Variants in ERC2 observed in about 807,000 individuals in gnomAD.
ERC2 encodes ELKS/RAB6-interacting/CAST family member 2.
ERC2 carries 42 observed loss-of-function variants against 114.8 expected under a neutral mutation model. That is an observed-to-expected ratio of 0.37 (90% CI 0.29 to 0.47). The LOEUF (loss-of-function observed/expected upper bound fraction) is 0.47, where lower values mean the gene tolerates loss of function less well. ERC2 is among the 20% of genes least tolerant of loss of function. The probability of loss-of-function intolerance (pLI) is 0.99; values close to 1 mark genes in which losing one functional copy is unlikely to be tolerated. For missense variants in ERC2, 939 were observed against 1,150.7 expected, an observed-to-expected ratio of 0.82 and a Z score of 2.66; for synonymous variants, 454 against 425.5, an observed-to-expected ratio of 1.07 and a Z score of -0.82.
At chr3:55,827,425 AG>A (rs1157347226) in intron 14 of ERC2, among the ~76,000 whole-genome samples, 1 of 151,746 alleles carries the variant, frequency 6.6e-6, no homozygotes, top group Non-Finnish European at 1.5e-5. Context: ...AGGGAAGAAA[AG>A]AGAGGGAGGG....
chr3:56,246,267 C>T (rs994579823), intron 3 of ERC2, among the ~76,000 whole-genome samples: 16 of 152,012 alleles, frequency 1.1e-4, no homozygotes, highest in African/African-American at 3.6e-4. Flanking sequence ...ACCAGATAAC[C>T]GTGTTGTCGA....
intron 6 of ERC2, among the ~76,000 whole-genome samples, chr3:56,083,060 T>C (rs1313799881): frequency 6.6e-6 from 1 of 152,170 alleles, no homozygotes; most frequent in Non-Finnish European, 1.5e-5. Flanking sequence ...GGACTGCTGA[T>C]ATAGAAAGTG....
At chr3:55,974,231 G>A (rs1054070299) in intron 12 of ERC2, among the ~76,000 whole-genome samples, 8 of 152,166 alleles carry the variant, frequency 5.3e-5, no homozygotes, top group African/African-American at 1.9e-4. Flanking sequence ...CTGACATAAC[G>A]ATGAGGAAGG....
chr3:55,812,564 A>G (rs944253215), intron 14 of ERC2, among the ~76,000 whole-genome samples: 8 of 152,208 alleles, frequency 5.3e-5, no homozygotes, highest in African/African-American at 1.9e-4. Context: ...TCCACAGGGC[A>G]CCCAACTACA....
intron 3 of ERC2, among the ~76,000 whole-genome samples, chr3:56,252,757 CAAAAAAAAAAA>C (rs71099628): frequency 5.4e-5 from 4 of 74,194 alleles, no homozygotes; most frequent in East Asian, 8.5e-4. Context: ...AACTCTGTCT[CAAAAAAAAAAA>C]AAAAAAAAGA....
chr3:55,979,673 C>T (rs964440191), intron 12 of ERC2, among the ~76,000 whole-genome samples: 2 of 151,720 alleles, frequency 1.3e-5, no homozygotes, highest in Non-Finnish European at 2.9e-5. Flanking sequence ...CGTCAATCTG[C>T]AAGCTGGAGT....
At chr3:56,232,671 G>A (rs115737792) in intron 3 of ERC2, among the ~76,000 whole-genome samples, 184 of 152,308 alleles carry the variant, frequency 1.2e-3, no homozygotes, top group African/African-American at 4.2e-3. Context: ...GGGCCATGAT[G>A]TTGCTCTGCT....
chr3:56,422,386 G>A (rs1017904119), intron 2 of ERC2, among the ~76,000 whole-genome samples: 7 of 152,128 alleles, frequency 4.6e-5, no homozygotes, highest in African/African-American at 1.7e-4. Flanking sequence ...GCCACCTGTG[G>A]TTTTAATTTT....
intron 2 of ERC2, among the ~76,000 whole-genome samples, chr3:56,355,078 G>T (rs1408368418): frequency 6.6e-6 from 1 of 152,162 alleles, no homozygotes; most frequent in Non-Finnish European, 1.5e-5. Flanking sequence ...GCAAGGGCAT[G>T]CAAATGAACT....
At chr3:56,254,572 C>T (rs567857097) in intron 3 of ERC2, among the ~76,000 whole-genome samples, 1 of 152,328 alleles carries the variant, frequency 6.6e-6, no homozygotes, top group Admixed American at 6.5e-5. Flanking sequence ...CACTGTTGCA[C>T]ATTTGCACAA....
In ERC2 at chr3:56,007,199, C is replaced by G; in HGVS notation, c.2043G>C (p.Leu681Phe). ...CACTTACCTTTTTTAACTGTGCTTC[C>G]AATTTGCTACATTCCTCTTTCTTTT... ...IEQKKEECSK[L>F]EAQLKKAHNI... is the part of the protein sequence containing the mutation. Residue 681 changes from leucine to phenylalanine, a missense_variant, in exon 10 of 18, where the codon TTG (leucine) becomes TTC (phenylalanine). Around this residue, in one of 5 missense-constraint regions of ERC2, gnomAD observed 328 missense variants for 353.9 expected, o/e 0.93. Transcript: ENST00000288221. 5.7e-6 allele frequency: 9 copies of G among 1,568,950 alleles called. No homozygotes were observed. Among genetic ancestry groups the G allele is most frequent in the Non-Finnish European group, 7.8e-6 (9 of 1,156,092 alleles).
intron 13 of ERC2, among the ~76,000 whole-genome samples, chr3:55,915,349 T>G (rs534489853): frequency 6.6e-6 from 1 of 151,352 alleles, no homozygotes; most frequent in East Asian, 1.9e-4. Context: ...TTTAGCTAAT[T>G]AAAAAAAAAG....
chr3:55,563,404 C>T (rs1379417381), intron 17 of ERC2, among the ~76,000 whole-genome samples: 1 of 151,366 alleles, frequency 6.6e-6, no homozygotes, highest in Non-Finnish European at 1.5e-5. Flanking sequence ...TACCTGGACA[C>T]TCTTCACTTT....
chr3:55,947,391 G>C (rs1356505237), intron 13 of ERC2, among the ~76,000 whole-genome samples: 1 of 152,160 alleles, frequency 6.6e-6, no homozygotes, highest in Non-Finnish European at 1.5e-5. Context: ...ATTGGCCTCA[G>C]TTCTCCACCT....
chr3:56,389,614 C>A (rs776861904), intron 2 of ERC2, among the ~76,000 whole-genome samples: 1 of 152,192 alleles, frequency 6.6e-6, no homozygotes, highest in Non-Finnish European at 1.5e-5. Context: ...TAGGTCAAGC[C>A]TGTGATCTCA....
At chr3:55,833,278 G>A (rs1575764843) in intron 14 of ERC2, among the ~76,000 whole-genome samples, 1 of 150,330 alleles carries the variant, frequency 6.7e-6, no homozygotes, top group African/African-American at 2.5e-5. Context: ...GATACTCCTC[G>A]AGAAGAGCAA....
chr3:55,578,399 C>T lies in ERC2; in HGVS notation c.*40-67123G>A, dbSNP rs926800811. ...CACTGTGCTCCAGGAAAGCTCTTGC[C>T]TTGGCTCCTACCACAGTCTGCACCT... On this transcript the variant is annotated intron_variant, in intron 17 of 17. Coordinates refer to ENST00000288221, the MANE Select transcript of ERC2 (RefSeq NM_015576.3). Among the ~76,000 whole-genome samples the T allele has an allele frequency of 8.5e-5, 13 of 152,310 alleles. No individual in the cohort carries two copies. The South Asian group carries it at 2.5e-3, about 29-fold the overall frequency.
intron 3 of ERC2, among the ~76,000 whole-genome samples, chr3:56,233,525 T>C (rs1433575387): frequency 6.7e-6 from 1 of 149,932 alleles, no homozygotes; most frequent in Non-Finnish European, 1.5e-5. Flanking sequence ...GTGCCTATAA[T>C]CCCAGCTACT....
At chr3:56,019,058 G>T in intron 7 of ERC2, 27 bp from the exon 8 acceptor site, 1 of 1,560,910 alleles carries the variant, frequency 6.4e-7, no homozygotes, top group Non-Finnish European at 8.7e-7. Flanking sequence ...ATATTTTAAT[G>T]CATATTTGAT....
Sources: allele counts gnomAD v4.1 joint callset (sites outside exome capture counted in the v4.1 genomes callset), GRCh38; gene constraint gnomAD v4.1.1; regional missense constraint gnomAD v4.1.1; transcripts MANE v1.5; gene names NCBI Gene and HGNC (gene_info 2026-07-23, HGNC 2026-07-21).